ADAMTS20: variants seen among roughly 807,000 people sequenced by gnomAD.
ADAMTS20 encodes the protein ADAM metallopeptidase with thrombospondin type 1 motif 20, also known as A disintegrin and metalloproteinase with thrombospondin motifs 20.
A neutral mutation model predicts 260.1 loss-of-function variants in ADAMTS20; 225 were observed. The observed-to-expected ratio is 0.87, with a 90% CI of 0.78 to 0.97. ADAMTS20 has a LOEUF of 0.97. Among genes scored for constraint, ADAMTS20 ranks in the 50% least tolerant of loss-of-function variants. ADAMTS20 has a pLI of 0.00. For missense variants in ADAMTS20, 2,400 were observed against 2,337.7 expected, an observed-to-expected ratio of 1.03 and a Z score of -0.55; for synonymous variants, 802 against 769.5, an observed-to-expected ratio of 1.04 and a Z score of -0.70.
intron 37 of ADAMTS20, among the ~76,000 whole-genome samples, chr12:43,362,410 T>C (rs1939890142): frequency 6.6e-6 from 1 of 152,108 alleles, no homozygotes; most frequent in African/African-American, 2.4e-5. Context: ...ATCACCAATA[T>C]GGGTGAAATA....
chr12:43,493,561 C>G (rs1034314115), intron 4 of ADAMTS20, among the ~76,000 whole-genome samples: 5 of 152,272 alleles, frequency 3.3e-5, no homozygotes, highest in Admixed American at 2.6e-4. Flanking sequence ...AACACAGAAT[C>G]TCAGGCCCCA....
chr12:43,355,551 T>C (rs1037768223), intron 38 of ADAMTS20, among the ~76,000 whole-genome samples: 1 of 152,196 alleles, frequency 6.6e-6, no homozygotes, highest in African/African-American at 2.4e-5. Flanking sequence ...CTAAATTTCA[T>C]TTATGAGAAA....
At chr12:43,460,917 T>C (rs1331450284) in intron 11 of ADAMTS20, among the ~76,000 whole-genome samples, 3 of 143,534 alleles carry the variant, frequency 2.1e-5, no homozygotes, top group African/African-American at 7.6e-5. Context: ...GAATAGGAGT[T>C]TTCTCTGGAA....
chr12:43,383,946 T>G lies in ADAMTS20; in HGVS notation c.4484A>C (p.Gln1495Pro). The G allele has an allele frequency of 6.2e-7, 1 of 1,613,838 alleles. No individual in the cohort carries two copies. Among genetic ancestry groups the G allele is most frequent in the Non-Finnish European group, 8.5e-7 (1 of 1,179,820 alleles). The change falls in exon 30 of 39, where the codon CAG becomes CCG. Residue 1495 changes from glutamine to proline, a missense_variant. Coordinates refer to ENST00000389420, the MANE Select transcript of ADAMTS20 (RefSeq NM_025003.5). The stretch of plus-strand genomic sequence containing the variant: ...TTTCAGTCTGCAGTATACATCCCTC[T>G]GCTGAACTCCAGAGCCACAGGTCAC... ...CSVTCGSGVQQRDVYCRLKGV... is the reference protein window; with the variant it reads ...CSVTCGSGVQPRDVYCRLKGV...
intron 3 of ADAMTS20, among the ~76,000 whole-genome samples, chr12:43,514,396 T>A (rs1021598807): frequency 6.6e-6 from 1 of 151,638 alleles, no homozygotes; most frequent in East Asian, 2.0e-4. Flanking sequence ...ACCCCATCTA[T>A]ACTAAAATTT....
chr12:43,371,698 G>A (rs1940110836), intron 36 of ADAMTS20, among the ~76,000 whole-genome samples: 1 of 152,162 alleles, frequency 6.6e-6, no homozygotes, highest in African/African-American at 2.4e-5. Flanking sequence ...TGCCTGGTGT[G>A]TTCAAGGAAC....
chr12:43,367,186 G>A (rs757878988), intron 37 of ADAMTS20, among the ~76,000 whole-genome samples: 9 of 151,788 alleles, frequency 5.9e-5, no homozygotes, highest in East Asian at 3.9e-4. Context: ...AACACGTCCC[G>A]CTACATTCTA....
At chr12:43,494,954 T>A (rs1942656376) in intron 4 of ADAMTS20, among the ~76,000 whole-genome samples, 1 of 152,198 alleles carries the variant, frequency 6.6e-6, no homozygotes, top group African/African-American at 2.4e-5. Flanking sequence ...AAGACTTCTG[T>A]GTCTCAGAAT....
intron 31 of ADAMTS20, among the ~76,000 whole-genome samples, chr12:43,382,694 T>C (rs1940380541): frequency 6.6e-6 from 1 of 151,954 alleles, no homozygotes; most frequent in Non-Finnish European, 1.5e-5. Context: ...AAAAATAAAA[T>C]AAAAATTGGA....
At chr12:43,408,673 A>G (rs895237460) in intron 28 of ADAMTS20, among the ~76,000 whole-genome samples, 14 of 152,222 alleles carry the variant, frequency 9.2e-5, no homozygotes, top group Non-Finnish European at 1.3e-4. Flanking sequence ...TCTGTTTTCC[A>G]TATGTAAAAA....
At chr12:43,515,057 G>A (rs561507244) in intron 3 of ADAMTS20, among the ~76,000 whole-genome samples, 1 of 152,304 alleles carries the variant, frequency 6.6e-6, no homozygotes, top group African/African-American at 2.4e-5. Context: ...TTTAACAGCA[G>A]ACAACAAATA....
At chr12:43,540,655 G>C (rs1332221862) in intron 2 of ADAMTS20, among the ~76,000 whole-genome samples, 1 of 152,002 alleles carries the variant, frequency 6.6e-6, no homozygotes, top group Non-Finnish European at 1.5e-5. Context: ...AAAAACAGGT[G>C]GTTCATAGAA....
intron 28 of ADAMTS20, chr12:43,423,703 GT>G: frequency 1.4e-6 from 1 of 701,804 alleles, no homozygotes; most frequent in Non-Finnish European, 2.6e-6. Flanking sequence ...TTTATAGTGA[GT>G]TCTTATAGTA....
Position 43,369,397 on chromosome 12 carries a change from TA to T in ADAMTS20, c.5447-17del. ...AGGTCCGTAGCTAGAAAATAATAAA[TA>T]AAACTCTTTAGCATGGAGACAATAA... On this transcript the variant is annotated splice_polypyrimidine_tract_variant and intron_variant, in intron 36 of 38. Coordinates refer to ENST00000389420, the MANE Select transcript of ADAMTS20 (RefSeq NM_025003.5). 7.0e-7 allele frequency: 1 copy of T among 1,437,608 alleles called. No individual in the cohort carries two copies. The highest frequency in any genetic ancestry group is 1.5e-5 in the African/African-American group (1 of 68,288). The allele number at this position is 1,437,608 out of a possible 1,614,324, so 89.1% of individuals were successfully genotyped here. A position where few individuals can be genotyped will look rare whatever the true frequency, so the allele number is the denominator to read the frequency against.
intron 28 of ADAMTS20, chr12:43,423,769 A>G: frequency 1.4e-6 from 1 of 702,566 alleles, no homozygotes; most frequent in Non-Finnish European, 2.6e-6. Flanking sequence ...AATATGTTTC[A>G]ATTGTCTCTG....
At chr12:43,506,535 A>C (rs913600099) in intron 3 of ADAMTS20, among the ~76,000 whole-genome samples, 1 of 151,092 alleles carries the variant, frequency 6.6e-6, no homozygotes, top group African/African-American at 2.4e-5. Flanking sequence ...GATGGAGTGC[A>C]GTGGCGCGAT....
intron 29 of ADAMTS20, among the ~76,000 whole-genome samples, chr12:43,393,180 T>C (rs1329378497): frequency 1.3e-5 from 2 of 152,112 alleles, no homozygotes; most frequent in Non-Finnish European, 2.9e-5. Context: ...CTTACTAGAA[T>C]GGCTTCTCAA....
At position 43,377,530 on chromosome 12, in the gene ADAMTS20, TTGTC is replaced by T. The variant is rs775565856; in HGVS notation, c.4826_4829del (p.Arg1609LysfsTer23). 7 of 1,613,228 alleles carry T rather than the reference TTGTC, an allele frequency of 4.3e-6. No homozygotes were observed. The East Asian group carries it at 8.9e-5, about 21-fold the overall frequency. On this transcript the variant is annotated frameshift_variant, in exon 32 of 39. Coordinates refer to ENST00000389420, the MANE Select transcript of ADAMTS20 (RefSeq NM_025003.5). LOFTEE classifies it high-confidence loss of function. ...GGATCTCGGTGCAATATGTAATCCT[TTGTC>T]TGTAACTAAATCCACAGTTGTTTGC...
chr12:43,427,162 G>C (rs1046491300), intron 27 of ADAMTS20, 146 bp downstream of exon 27: 1 of 841,096 alleles, frequency 1.2e-6, no homozygotes, highest in Middle Eastern at 3.8e-4. Context: ...AACAGAGTGA[G>C]ACCCTGTCTC....
Sources: gnomAD v4.1 joint callset for allele counts (sites outside exome capture counted in the v4.1 genomes callset) on GRCh38, gnomAD v4.1.1 for gene constraint, MANE v1.5 for transcripts, NCBI Gene and HGNC (gene_info 2026-07-23, HGNC 2026-07-21) for gene names.